WDR27: variants seen among roughly 807,000 people sequenced by gnomAD.
The protein encoded by WDR27 is WD repeat domain 27.
A neutral mutation model predicts 114.4 loss-of-function variants in WDR27; 100 were observed. The observed-to-expected ratio is 0.87, with a 90% CI of 0.74 to 1.03. The LOEUF (loss-of-function observed/expected upper bound fraction) is 1.03. WDR27 is among the 50% of genes least tolerant of loss of function. The pLI is 0.00. For synonymous variants in WDR27, 449 were observed against 423.1 expected (o/e 1.06, Z -0.75); for missense variants, 1,129 against 1,092.9 (o/e 1.03, Z -0.47).
chr6:169,692,955 T>C lies in WDR27; in HGVS notation c.-7-3943A>G, dbSNP rs577347882. Reference sequence around the variant, plus strand: ...CTCGCCAACTTAGGGAAAGCTTATATACCCCTTCTAACACAGCAGCTGATA... The same window carrying C: ...CTCGCCAACTTAGGGAAAGCTTATACACCCCTTCTAACACAGCAGCTGATA... On this transcript the variant is annotated intron_variant, in intron 1 of 25. Transcript: ENST00000448612. 5.9e-5 allele frequency among the ~76,000 whole-genome samples: 9 copies of C among 152,296 alleles called. No homozygotes were observed. In the South Asian group the frequency reaches 1.9e-3, roughly 32 times the overall value.
chr6:169,574,703 G>A (rs1038695282), intron 24 of WDR27, among the ~76,000 whole-genome samples: 2 of 152,148 alleles, frequency 1.3e-5, no homozygotes, highest in Non-Finnish European at 2.9e-5. Flanking sequence ...GTGGGGGCCG[G>A]CGCCCTGTCC....
intron 16 of WDR27, among the ~76,000 whole-genome samples, chr6:169,646,632 T>C (rs1226562219): frequency 1.3e-5 from 2 of 151,192 alleles, no homozygotes; most frequent in Non-Finnish European, 1.5e-5. Flanking sequence ...CCTGTAATCC[T>C]AGCTACGCGT....
intron 25 of WDR27, among the ~76,000 whole-genome samples, chr6:169,538,798 T>G (rs535538979): frequency 6.8e-6 from 1 of 147,300 alleles, no homozygotes; most frequent in East Asian, 3.1e-4. Flanking sequence ...TGCAGTAATA[T>G]GAAGATTTTT....
At chr6:169,690,065 A>G (rs780849267) in intron 1 of WDR27, among the ~76,000 whole-genome samples, 2 of 147,506 alleles carry the variant, frequency 1.4e-5, no homozygotes, top group Non-Finnish European at 3.0e-5. Context: ...TGTGGATTCA[A>G]AGGATCCACC....
At chr6:169,701,132 T>C (rs969873166) in intron 1 of WDR27, among the ~76,000 whole-genome samples, 2 of 152,172 alleles carry the variant, frequency 1.3e-5, no homozygotes, top group Non-Finnish European at 2.9e-5. Context: ...GTGTAAATTG[T>C]AGAAAATTTA....
intron 23 of WDR27, among the ~76,000 whole-genome samples, chr6:169,586,995 C>T (rs1352686376): frequency 1.3e-5 from 2 of 151,532 alleles, no homozygotes; most frequent in African/African-American, 4.8e-5. Flanking sequence ...TTTTTCCCTC[C>T]AAGGCTCAGT....
At chr6:169,523,759 C>A (rs552227155) in intron 25 of WDR27, among the ~76,000 whole-genome samples, 1 of 151,564 alleles carries the variant, frequency 6.6e-6, no homozygotes, top group Non-Finnish European at 1.5e-5. Context: ...TTAAAAAAAC[C>A]CTCAACAAAC....
chr6:169,597,788 A>G (rs1385093687), intron 23 of WDR27, among the ~76,000 whole-genome samples: 3 of 152,010 alleles, frequency 2.0e-5, no homozygotes, highest in East Asian at 3.9e-4. Flanking sequence ...CCATGGCCCT[A>G]AAGTTTTCAA....
chr6:169,450,080 T>C, the WDR27 span, among the ~76,000 whole-genome samples: 1 of 152,226 alleles, frequency 6.6e-6, no homozygotes, highest in Non-Finnish European at 1.5e-5. Flanking sequence ...CCAATGAAAT[T>C]AGAGATATGG....
rs555488325 is a variant in WDR27, at chr6:169,510,334, A to G, written c.2646-52700T>C. On this transcript the variant is annotated intron_variant, in intron 25 of 25. Transcript: ENST00000448612. The stretch of plus-strand genomic sequence containing the variant: ...CTGCTCTAAAGACACATGCACACGT[A>G]TGTTTATTGTGGCACTATTCACAAT... Among the ~76,000 whole-genome samples the G allele has an allele frequency of 2.7e-3, 413 of 152,224 alleles. 2 individuals carry two copies. Among genetic ancestry groups the G allele is most frequent in the Middle Eastern group, 0.01 (3 of 294 alleles).
At chr6:169,637,956 G>C (rs548506039) in intron 18 of WDR27, among the ~76,000 whole-genome samples, 7 of 152,248 alleles carry the variant, frequency 4.6e-5, no homozygotes, top group Non-Finnish European at 1.0e-4. Context: ...GTGTGCGTAT[G>C]TGTATGCATG....
intron 2 of WDR27, among the ~76,000 whole-genome samples, chr6:169,685,702 G>A (rs1782743663): frequency 6.6e-6 from 1 of 152,158 alleles, no homozygotes; most frequent in South Asian, 2.1e-4. Flanking sequence ...TAAAGCCTAT[G>A]TGATTTATGA....
In WDR27 at chr6:169,680,983, T is replaced by C. The variant is rs1781379081; in HGVS notation, c.189+7834A>G. On this transcript the variant is annotated intron_variant, in intron 2 of 25. Coordinates refer to ENST00000448612, the MANE Select transcript of WDR27 (RefSeq NM_182552.5). ...CAATATGCCTCTTTCAATAACTGAC[T>C]GAACAACTGGACATGAAATCCTCAA... is the stretch of plus-strand genomic sequence containing the variant. 2.0e-5 allele frequency among the ~76,000 whole-genome samples: 3 copies of C among 152,206 alleles called. No homozygotes were observed. The South Asian group carries it at 6.2e-4, about 32-fold the overall frequency.
chr6:169,501,688 T>C (rs1434648830), intron 25 of WDR27, among the ~76,000 whole-genome samples: 1 of 140,580 alleles, frequency 7.1e-6, no homozygotes, highest in African/African-American at 2.7e-5. Flanking sequence ...GGGGTCTTGG[T>C]TGACTCCTTA....
intron 25 of WDR27, among the ~76,000 whole-genome samples, chr6:169,472,194 G>T (rs1216903976): frequency 6.6e-6 from 1 of 152,106 alleles, no homozygotes; most frequent in Non-Finnish European, 1.5e-5. Flanking sequence ...CATAAAAAAA[G>T]AGAAATAACA....
intron 20 of WDR27, among the ~76,000 whole-genome samples, chr6:169,634,180 A>C (rs530322748): frequency 6.6e-6 from 1 of 152,312 alleles, no homozygotes; most frequent in Non-Finnish European, 1.5e-5. Flanking sequence ...AGGTCAGCCC[A>C]CCCACCTGCT....
chr6:169,699,332 C>A (rs564793430), intron 1 of WDR27, among the ~76,000 whole-genome samples: 3 of 152,232 alleles, frequency 2.0e-5, no homozygotes, highest in South Asian at 2.1e-4. Flanking sequence ...AGGATGGCTA[C>A]CTTCCCACTC....
At chr6:169,452,391 G>A (rs1784185442), downstream of WDR27, among the ~76,000 whole-genome samples, 1 of 152,228 alleles carries the variant, frequency 6.6e-6, no homozygotes, top group Non-Finnish European at 1.5e-5. Flanking sequence ...ACTGACACGC[G>A]GTCCTTTGTA....
At chr6:169,603,894 T>C (rs1402867282) in intron 22 of WDR27, among the ~76,000 whole-genome samples, 2 of 152,208 alleles carry the variant, frequency 1.3e-5, no homozygotes, top group Admixed American at 1.3e-4. Context: ...GGAGAAATTT[T>C]AAAATTTTTG....
Sources: gnomAD v4.1 joint callset for allele counts (sites outside exome capture counted in the v4.1 genomes callset) on GRCh38, gnomAD v4.1.1 for gene constraint, MANE v1.5 for transcripts, NCBI Gene and HGNC (gene_info 2026-07-23, HGNC 2026-07-21) for gene names.